EFL1: variants seen among roughly 807,000 people sequenced by gnomAD.
EFL1 encodes the protein elongation factor like GTPase 1, also known as elongation factor-like GTPase 1.
A neutral mutation model predicts 126.7 loss-of-function variants in EFL1; 76 were observed. That is an observed-to-expected ratio of 0.60 (90% CI 0.50 to 0.73). The LOEUF is 0.73. Among genes scored for constraint, EFL1 ranks in the 30% least tolerant of loss-of-function variants. The pLI, the probability that EFL1 is intolerant of heterozygous loss-of-function variation, is 0.00. For synonymous variants in EFL1, 410 were observed against 448.4 expected (o/e 0.91, Z 1.08); for missense variants, 1,128 against 1,343.2 (o/e 0.84, Z 2.50).
intron 15 of EFL1, among the ~76,000 whole-genome samples, chr15:82,187,884 A>C (rs2074319097): frequency 6.6e-6 from 1 of 152,116 alleles, no homozygotes; most frequent in South Asian, 2.1e-4. Flanking sequence ...TCTTTGGAGC[A>C]ATATACACTG....
intron 15 of EFL1, among the ~76,000 whole-genome samples, chr15:82,180,363 A>AAAAAAAAAC (rs2074237754): frequency 1.9e-5 from 2 of 107,806 alleles, no homozygotes; most frequent in African/African-American, 5.1e-5. Context: ...AACTGGCAAA[A>AAAAAAAAAC]AAAAAAAAAC....
At chr15:82,222,293 A>G (rs1027797853) in intron 12 of EFL1, among the ~76,000 whole-genome samples, 8 of 152,238 alleles carry the variant, frequency 5.3e-5, no homozygotes, top group African/African-American at 1.7e-4. Flanking sequence ...ACTCGACCCA[A>G]AGTCACACAG....
chr15:82,219,037 G>A (rs1473884386), intron 14 of EFL1, among the ~76,000 whole-genome samples: 1 of 152,072 alleles, frequency 6.6e-6, no homozygotes, highest in Non-Finnish European at 1.5e-5. Context: ...CTGGCTGCTT[G>A]GACCTCTGGC....
At chr15:82,139,104 GAGA>G (rs780225261) in intron 18 of EFL1, among the ~76,000 whole-genome samples, 5 of 152,302 alleles carry the variant, frequency 3.3e-5, no homozygotes, top group Admixed American at 1.3e-4. Context: ...AAAACAGCAT[GAGA>G]AGAAGATTTG....
chr15:82,132,690 G>GT (rs1321840345), intron 19 of EFL1, among the ~76,000 whole-genome samples: 1 of 121,220 alleles, frequency 8.2e-6, no homozygotes, highest in East Asian at 2.5e-4. Flanking sequence ...TTGGGGGGGG[G>GT]GGGGGGTAGG....
At chr15:82,171,036 G>C (rs1427566781) in intron 15 of EFL1, among the ~76,000 whole-genome samples, 1 of 152,084 alleles carries the variant, frequency 6.6e-6, no homozygotes, top group African/African-American at 2.4e-5. Flanking sequence ...TACACAACCA[G>C]GAAATCATAA....
At chr15:82,167,983 A>C (rs1196948455) in intron 15 of EFL1, among the ~76,000 whole-genome samples, 1 of 152,206 alleles carries the variant, frequency 6.6e-6, no homozygotes, top group Non-Finnish European at 1.5e-5. Context: ...AATGCAAGTC[A>C]TATGTCATGA....
At chr15:82,251,040 C>T (rs1395379494) in intron 4 of EFL1, among the ~76,000 whole-genome samples, 3 of 151,926 alleles carry the variant, frequency 2.0e-5, no homozygotes, top group Non-Finnish European at 2.9e-5. Flanking sequence ...GGTGAAACCC[C>T]GCCTCTACTA....
At chr15:82,139,999 G>A (rs1398316773) in intron 18 of EFL1, among the ~76,000 whole-genome samples, 2 of 152,106 alleles carry the variant, frequency 1.3e-5, no homozygotes, top group Admixed American at 6.5e-5. Flanking sequence ...TATTAGGAAC[G>A]GAAATAGGAA....
chr15:82,143,942 C>T (rs1320788554), intron 18 of EFL1, among the ~76,000 whole-genome samples: 1 of 152,184 alleles, frequency 6.6e-6, no homozygotes, highest in African/African-American at 2.4e-5. Flanking sequence ...CTCAAGCGAT[C>T]TCCTGCCTCA....
At position 82,229,068 on chromosome 15, in the gene EFL1, T is replaced by A. The variant is rs1219964211; in HGVS notation, c.898A>T (p.Asn300Tyr). Residue 300 changes from asparagine to tyrosine, a missense_variant, in exon 9 of 20, where the codon AAT becomes TAT. Around this residue, in one of 6 missense-constraint regions of EFL1, gnomAD observed 316 missense variants for 318.5 expected, o/e 0.99. Coordinates refer to ENST00000268206, the MANE Select transcript of EFL1 (RefSeq NM_024580.6). ...ACAGCATCATACAAACTCCATATATTTTCCAGGATCAACTGTACAAATAAA... is the reference window on the plus strand; with the variant it reads ...ACAGCATCATACAAACTCCATATATATTCCAGGATCAACTGTACAAATAAA... ...KPLFVQLILE[N>Y]IWSLYDAVLK... 1.2e-6 allele frequency: 2 copies of A among 1,612,100 alleles called. No homozygotes were observed. The highest frequency in any genetic ancestry group is 4.5e-5 in the East Asian group (2 of 44,754).
intron 15 of EFL1, among the ~76,000 whole-genome samples, chr15:82,166,628 C>T (rs1161869927): frequency 5.9e-5 from 9 of 152,156 alleles, no homozygotes; most frequent in Non-Finnish European, 1.3e-4. Context: ...GTTCTTTACA[C>T]AAAATACAGT....
At chr15:82,160,088 G>A (rs1418220628) in intron 16 of EFL1, 1 of 152,260 alleles carries the variant, frequency 6.6e-6, no homozygotes, top group Non-Finnish European at 1.5e-5. Flanking sequence ...TGGCTGGCCT[G>A]TGTGACCAAC....
intron 8 of EFL1, 78 bp downstream of exon 8, chr15:82,230,770 T>G (rs2074813259): frequency 6.8e-7 from 1 of 1,475,886 alleles, no homozygotes; most frequent in Non-Finnish European, 9.0e-7. Flanking sequence ...TGAATTACAT[T>G]TATTAAAGAT....
chr15:82,253,400 G>A (rs1409814627), intron 3 of EFL1, among the ~76,000 whole-genome samples: 2 of 151,216 alleles, frequency 1.3e-5, no homozygotes, highest in African/African-American at 4.9e-5. Flanking sequence ...TGATTGAGGG[G>A]AAGGGAACAT....
intron 4 of EFL1, among the ~76,000 whole-genome samples, chr15:82,251,783 G>A (rs1269137164): frequency 2.0e-5 from 3 of 152,292 alleles, no homozygotes; most frequent in South Asian, 4.1e-4. Context: ...TGTGAAGGAT[G>A]AACCACATGT....
At chr15:82,205,957 G>T (rs191349000) in intron 15 of EFL1, among the ~76,000 whole-genome samples, 82 of 152,342 alleles carry the variant, frequency 5.4e-4, no homozygotes, top group African/African-American at 1.9e-3. Flanking sequence ...TTATCAACCT[G>T]TATGCTAACA....
chr15:82,255,154 T>C (rs2075056302), intron 3 of EFL1, among the ~76,000 whole-genome samples: 1 of 152,244 alleles, frequency 6.6e-6, no homozygotes, highest in Non-Finnish European at 1.5e-5. Context: ...TCTTGATCCA[T>C]AACCTCCACA....
chr15:82,259,291 G>A (rs1235833818), intron 2 of EFL1, 136 bp from the exon 3 acceptor site: 21 of 739,074 alleles, frequency 2.8e-5, no homozygotes, highest in Non-Finnish European at 4.8e-5. Flanking sequence ...GGTGACAAAA[G>A]AGATTTATTA....
Sources: gnomAD v4.1 joint callset for allele counts (sites outside exome capture counted in the v4.1 genomes callset) on GRCh38, gnomAD v4.1.1 for gene constraint, gnomAD v4.1.1 regional missense constraint, MANE v1.5 for transcripts, NCBI Gene and HGNC (gene_info 2026-07-23, HGNC 2026-07-21) for gene names.